AGPS: variants seen among roughly 807,000 people sequenced by gnomAD.
AGPS encodes the protein alkylglycerone phosphate synthase, also known as alkyldihydroxyacetonephosphate synthase, peroxisomal.
AGPS carries 26 observed loss-of-function variants against 90.7 expected under a neutral mutation model. The observed-to-expected ratio is 0.29, with a 90% confidence interval of 0.21 to 0.40. The LOEUF (loss-of-function observed/expected upper bound fraction) is 0.40, where lower values mean the gene tolerates loss of function less well. AGPS is among the 10% of genes least tolerant of loss of function. The pLI, the probability that AGPS is intolerant of heterozygous loss-of-function variation, is 1.00. For missense variants in AGPS, 540 were observed against 816.1 expected (o/e 0.66, Z 4.12); for synonymous variants, 294 against 285.3 (o/e 1.03, Z -0.31).
intron 1 of AGPS, among the ~76,000 whole-genome samples, chr2:177,394,568 T>C (rs1685116053): frequency 1.3e-5 from 2 of 152,166 alleles, no homozygotes; most frequent in African/African-American, 4.8e-5. Flanking sequence ...ATGATTAGAT[T>C]TACCTTTGAT....
intron 1 of AGPS, among the ~76,000 whole-genome samples, chr2:177,407,656 CG>C (rs1468607983): frequency 6.6e-6 from 1 of 152,030 alleles, no homozygotes; most frequent in Non-Finnish European, 1.5e-5. Context: ...CCTCCAGCCC[CG>C]GGGACTGCAA....
At chr2:177,396,942 C>CTTTTTTT (rs757187515) in intron 1 of AGPS, among the ~76,000 whole-genome samples, 39 of 140,568 alleles carry the variant, frequency 2.8e-4, no homozygotes, top group Middle Eastern at 3.7e-3. Flanking sequence ...TTTTTCTTTT[C>CTTTTTTT]TTTTTTTTTT....
chr2:177,434,925 T>C (rs1686353494), intron 3 of AGPS, among the ~76,000 whole-genome samples: 3 of 148,642 alleles, frequency 2.0e-5, no homozygotes, highest in Non-Finnish European at 1.5e-5. Context: ...AAGATATGAG[T>C]GATTGAGGAT....
intron 1 of AGPS, among the ~76,000 whole-genome samples, chr2:177,407,413 C>T (rs1248218220): frequency 2.8e-4 from 42 of 152,144 alleles, no homozygotes. Flanking sequence ...AAACATAACT[C>T]TGGCATCAGC....
rs779051782 is a variant in AGPS, at chr2:177,499,707, G to A, written c.1452G>A (p.Val484=). Reference sequence around the variant, plus strand: ...AGGTTCTTCAACATGAAAAACAAGTGTATGATATTGCTGCAAAATTTGGGT... The same window carrying A: ...AGGTTCTTCAACATGAAAAACAAGTATATGATATTGCTGCAAAATTTGGGT... The part of the protein sequence containing the change: ...REKVLQHEKQ[V]YDIAAKFGGL... The change falls in exon 14 of 20, where the codon GTG becomes GTA. Residue 484 remains valine, a synonymous_variant. Coordinates refer to ENST00000264167, the MANE Select transcript of AGPS (RefSeq NM_003659.4). The A allele has an allele frequency of 5.0e-6, 8 of 1,611,654 alleles. No homozygotes were observed. Among genetic ancestry groups the A allele is most frequent in the Middle Eastern group, 3.3e-4 (2 of 6,074 alleles).
At chr2:177,500,947 C>T (rs1484998852) in intron 14 of AGPS, among the ~76,000 whole-genome samples, 1 of 151,838 alleles carries the variant, frequency 6.6e-6, no homozygotes, top group Non-Finnish European at 1.5e-5. Context: ...GGAATTTAGC[C>T]CTATGTATGT....
At chr2:177,436,139 A>ATTTTTTTTTTTTTTT (rs1172040227) in intron 3 of AGPS, among the ~76,000 whole-genome samples, 15 of 82,124 alleles carry the variant, frequency 1.8e-4, no homozygotes, top group East Asian at 4.4e-4. Flanking sequence ...GAAATGCTGA[A>ATTTTTTTTTTTTTTT]TTTTTTTTTT....
chr2:177,407,118 G>T (rs1685488554), intron 1 of AGPS, among the ~76,000 whole-genome samples: 1 of 152,144 alleles, frequency 6.6e-6, no homozygotes, highest in Non-Finnish European at 1.5e-5. Context: ...ACAAGTTACT[G>T]AATCTTTCTG....
chr2:177,451,107 A>G (rs1172223846), intron 8 of AGPS, among the ~76,000 whole-genome samples: 1 of 151,790 alleles, frequency 6.6e-6, no homozygotes, highest in Non-Finnish European at 1.5e-5. Flanking sequence ...GACTACAGGC[A>G]TGTGCCACCA....
intron 8 of AGPS, among the ~76,000 whole-genome samples, chr2:177,457,994 A>G (rs1259766543): frequency 2.0e-5 from 3 of 152,344 alleles, no homozygotes; most frequent in South Asian, 4.1e-4. Context: ...ATCCACCACA[A>G]GCAAGTTGGC....
chr2:177,403,383 TTTGGATGAGAACAGAATCAG>T (rs1319626917), intron 1 of AGPS, among the ~76,000 whole-genome samples: 1 of 152,072 alleles, frequency 6.6e-6, no homozygotes, highest in African/African-American at 2.4e-5. Context: ...AGAGAGAGCA[TTTGGATGAGAACAGAATCAG>T]AAGAATTAGG....
intron 12 of AGPS, among the ~76,000 whole-genome samples, chr2:177,493,844 A>C (rs1302787584): frequency 6.6e-6 from 1 of 152,214 alleles, no homozygotes; most frequent in Non-Finnish European, 1.5e-5. Context: ...GAGATGAAAC[A>C]GCTCAAGAAG....
chr2:177,435,077 TTTA>T (rs919605082), intron 3 of AGPS, among the ~76,000 whole-genome samples: 8 of 149,470 alleles, frequency 5.4e-5, no homozygotes, highest in African/African-American at 7.3e-5. Context: ...TTGTTGTGTT[TTTA>T]TTATTGTTGC....
At chr2:177,463,407 G>A (rs778736559) in intron 9 of AGPS, among the ~76,000 whole-genome samples, 6 of 152,196 alleles carry the variant, frequency 3.9e-5, no homozygotes, top group Non-Finnish European at 5.9e-5. Context: ...TTTCCTTATC[G>A]TCAATATTTT....
rs2079234825 is a variant in AGPS, at chr2:177,541,484, C to G, written c.*3289C>G. On this transcript the variant is annotated 3_prime_UTR_variant, in exon 20 of 20. Coordinates refer to ENST00000264167, the MANE Select transcript of AGPS (RefSeq NM_003659.4). ...AGAACACAGTTACTACAGATTGATT[C>G]ACAAACTGCATGTGCTGGTGCTTGA... The G allele has an allele frequency of 6.6e-6, 1 of 152,142 alleles. No individual in the cohort carries two copies. The highest frequency in any genetic ancestry group is 6.5e-5 in the Admixed American group (1 of 15,268). The allele number at this position is 152,142 out of a possible 1,614,324, so 9.4% of individuals were successfully genotyped here.
chr2:177,475,548 C>T (rs1357329014), intron 10 of AGPS, among the ~76,000 whole-genome samples: 1 of 152,178 alleles, frequency 6.6e-6, no homozygotes, highest in Non-Finnish European at 1.5e-5. Flanking sequence ...ATTACACAGA[C>T]TTGGAATTAT....
intron 11 of AGPS, among the ~76,000 whole-genome samples, chr2:177,482,595 A>G (rs967929256): frequency 6.6e-6 from 1 of 152,108 alleles, no homozygotes; most frequent in Admixed American, 6.5e-5. Context: ...AATTAAAAGT[A>G]ATGGCTAAAT....
At chr2:177,496,873 T>C (rs1574010747) in intron 12 of AGPS, among the ~76,000 whole-genome samples, 1 of 152,220 alleles carries the variant, frequency 6.6e-6, no homozygotes, top group African/African-American at 2.4e-5. Flanking sequence ...TAAAGGCTTT[T>C]TTAAAAAAGA....
At chr2:177,466,692 C>A (rs1470143873) in intron 9 of AGPS, among the ~76,000 whole-genome samples, 13 of 152,238 alleles carry the variant, frequency 8.5e-5, no homozygotes, top group African/African-American at 3.1e-4. Context: ...ATGCGCACAC[C>A]CGGCTGGGTT....
Sources: gnomAD v4.1 joint callset for allele counts (sites outside exome capture counted in the v4.1 genomes callset) on GRCh38, gnomAD v4.1.1 for gene constraint, MANE v1.5 for transcripts, NCBI Gene and HGNC (gene_info 2026-07-23, HGNC 2026-07-21) for gene names.